The following PLEKHA5 variants were observed in gnomAD, a reference collection of about 807,000 sequenced individuals.
PLEKHA5 encodes pleckstrin homology domain containing A5, also known as pleckstrin homology domain-containing family A member 5.
Under a neutral mutation model 181.9 loss-of-function variants are expected in PLEKHA5, and 55 were observed. The ratio of observed to expected loss-of-function variants is 0.30; its 90% confidence interval spans 0.24 to 0.38. PLEKHA5 has a LOEUF of 0.38. Ranked by LOEUF, PLEKHA5 falls within the 10% of genes least tolerant of loss-of-function variation. The pLI is 1.00. For missense variants in PLEKHA5, 1,432 were observed against 1,549.5 expected, an observed-to-expected ratio of 0.92 and a Z score of 1.27; for synonymous variants, 535 against 529.4, an observed-to-expected ratio of 1.01 and a Z score of -0.15.
chr12:19,283,239 C>CTG, intron 11 of PLEKHA5, 41 bp from the exon 12 acceptor site: 7 of 995,908 alleles, frequency 7.0e-6, no homozygotes, highest in Non-Finnish European at 1.0e-5. Flanking sequence ...TGGAAAATAA[C>CTG]CCTCCTTCAT....
At chr12:19,345,269 G>A (rs930568000) in intron 22 of PLEKHA5, among the ~76,000 whole-genome samples, 3 of 151,596 alleles carry the variant, frequency 2.0e-5, no homozygotes, top group African/African-American at 4.8e-5. Context: ...GCATGGTGGC[G>A]TGCACCTATA....
chr12:19,305,238 A>G (rs1006995179), intron 15 of PLEKHA5, among the ~76,000 whole-genome samples: 1 of 152,122 alleles, frequency 6.6e-6, no homozygotes, highest in African/African-American at 2.4e-5. Context: ...CATATAATTC[A>G]GTGGTTTTTG....
Position 19,359,503 on chromosome 12 carries a change from A to G in PLEKHA5, c.3440A>G (p.Gln1147Arg), listed in dbSNP as rs766055972. 3 of 1,614,034 alleles carry G rather than the reference A, an allele frequency of 1.9e-6. No individual in the cohort carries two copies. The highest frequency in any genetic ancestry group is 3.3e-5 in the Admixed American group (2 of 60,002). ...DHETPATEIV[Q>R]LKETEPQNVD... The stretch of plus-strand genomic sequence containing the variant: ...GAAACTCCTGCAACAGAAATTGTTC[A>G]ACTAAAAGAAACCGAACCCCAAAAT... The change falls in exon 28 of 32, where the codon CAA becomes CGA. Residue 1147 changes from glutamine (Q) to arginine (R), a missense_variant. Around this residue, in one of 2 missense-constraint regions of PLEKHA5, gnomAD observed 1,143 missense variants for 1,168.4 expected, o/e 0.98. Coordinates refer to ENST00000429027, the MANE Select transcript of PLEKHA5 (RefSeq NM_001256470.2).
Position 19,375,583 on chromosome 12 carries a change from A to G in PLEKHA5, c.*64A>G, listed in dbSNP as rs1218388236. On this transcript the variant is annotated 3_prime_UTR_variant, in exon 32 of 32. Coordinates refer to ENST00000429027, the MANE Select transcript of PLEKHA5 (RefSeq NM_001256470.2). ...AAAGCTAAAGACATGGACCTTCAGCAGTGTAAGAAGATATTGTACAGTATA... is the reference window on the plus strand; with the variant it reads ...AAAGCTAAAGACATGGACCTTCAGCGGTGTAAGAAGATATTGTACAGTATA... The G allele has an allele frequency of 6.6e-6, 1 of 152,620 alleles. No individual in the cohort carries two copies. The highest frequency in any genetic ancestry group is 1.5e-5 in the Non-Finnish European group (1 of 68,028). The allele number at this position is 152,620 out of a possible 1,614,324, so 9.5% of individuals were successfully genotyped here. A position where few individuals can be genotyped will look rare whatever the true frequency, so the allele number is the denominator to read the frequency against.
At chr12:19,343,471 C>CAAA in intron 22 of PLEKHA5, 37 bp downstream of exon 22, 1 of 1,106,690 alleles carries the variant, frequency 9.0e-7, no homozygotes, top group Non-Finnish European at 1.4e-6. Flanking sequence ...TGACTGACCA[C>CAAA]AGTATTACAG....
At chr12:19,246,973 T>C (rs1592192254) in intron 3 of PLEKHA5, among the ~76,000 whole-genome samples, 1 of 152,290 alleles carries the variant, frequency 6.6e-6, no homozygotes, top group East Asian at 1.9e-4. Context: ...TTTTTTCTAA[T>C]TGCCTATTTT....
chr12:19,230,132 A>T (rs1053124085), intron 3 of PLEKHA5, among the ~76,000 whole-genome samples: 3 of 152,156 alleles, frequency 2.0e-5, no homozygotes, highest in African/African-American at 7.2e-5. Flanking sequence ...TTAGGTAGAC[A>T]TAAGGGTTCT....
rs1464059399 is a variant in PLEKHA5 at position 19,164,998 on chromosome 12, C to A, written c.227+32548C>A. 2.6e-5 allele frequency among the ~76,000 whole-genome samples: 4 copies of A among 152,234 alleles called. No individual in the cohort carries two copies. In the East Asian group the frequency reaches 7.7e-4, roughly 29 times the overall value. ...TTTTCTCCTCAAAGCAAGCAACCAACTAACCTGGACAAAGCTCACCAAACC... is the reference window on the plus strand; with the variant it reads ...TTTTCTCCTCAAAGCAAGCAACCAAATAACCTGGACAAAGCTCACCAAACC... On this transcript the variant is annotated intron_variant, in intron 3 of 31. Coordinates refer to ENST00000429027, the MANE Select transcript of PLEKHA5 (RefSeq NM_001256470.2).
chr12:19,146,627 A>G (rs2038992247), intron 3 of PLEKHA5, among the ~76,000 whole-genome samples: 1 of 152,212 alleles, frequency 6.6e-6, no homozygotes, highest in Non-Finnish European at 1.5e-5. Flanking sequence ...ATAAGTGTAA[A>G]TAGAGGTACT....
Position 19,348,383 on chromosome 12 carries a change from A to C in PLEKHA5, c.2899-16A>C, listed in dbSNP as rs777642663. ...TTTAGCAGTTTTTTAGGGTAATTAC[A>C]TGTCTTCCTTTCAAGGGTCCAGATT... On this transcript the variant is annotated splice_polypyrimidine_tract_variant and intron_variant, in intron 24 of 31. Coordinates refer to ENST00000429027, the MANE Select transcript of PLEKHA5 (RefSeq NM_001256470.2). The C allele has an allele frequency of 6.4e-7, 1 of 1,560,988 alleles. No individual in the cohort carries two copies. The highest frequency in any genetic ancestry group is 8.6e-7 in the Non-Finnish European group (1 of 1,157,584).
At chr12:19,207,622 A>C (rs1216274570) in intron 3 of PLEKHA5, 3 of 152,180 alleles carry the variant, frequency 2.0e-5, no homozygotes, top group Non-Finnish European at 4.4e-5. Context: ...TAGACCATAA[A>C]GGATTGTTCA....
chr12:19,302,344 A>G (rs2081741027), intron 15 of PLEKHA5, among the ~76,000 whole-genome samples: 1 of 152,344 alleles, frequency 6.6e-6, no homozygotes, highest in African/African-American at 2.4e-5. Context: ...AAGTAAACTA[A>G]GTTACAAGAC....
At chr12:19,204,706 A>G (rs1232793538) in intron 3 of PLEKHA5, among the ~76,000 whole-genome samples, 3 of 152,180 alleles carry the variant, frequency 2.0e-5, no homozygotes, top group African/African-American at 7.2e-5. Flanking sequence ...ATATGTAAAC[A>G]ACAGATAAGA....
At chr12:19,279,046 A>T (rs1363307540) in intron 11 of PLEKHA5, among the ~76,000 whole-genome samples, 3 of 152,182 alleles carry the variant, frequency 2.0e-5, no homozygotes, top group Non-Finnish European at 4.4e-5. Context: ...TGATGAAATC[A>T]TCTTCTAGAT....
At chr12:19,170,925 A>G (rs890873615) in intron 3 of PLEKHA5, among the ~76,000 whole-genome samples, 47 of 152,228 alleles carry the variant, frequency 3.1e-4, no homozygotes, top group African/African-American at 1.1e-3. Context: ...ACTCTTGTTT[A>G]TAGTTGTAGT....
intron 3 of PLEKHA5, among the ~76,000 whole-genome samples, chr12:19,209,901 C>G (rs1586841): frequency 4.6e-5 from 7 of 152,068 alleles, no homozygotes; most frequent in Non-Finnish European, 1.0e-4. Context: ...CACAGAGTTC[C>G]TCTCCACCAC....
chr12:19,306,957 T>C, intron 15 of PLEKHA5: 2 of 1,231,750 alleles, frequency 1.6e-6, no homozygotes. Flanking sequence ...TCCTGCCTAC[T>C]CCTAACCCAC....
At chr12:19,224,978 C>CA (rs1384236387) in intron 3 of PLEKHA5, among the ~76,000 whole-genome samples, 1 of 152,080 alleles carries the variant, frequency 6.6e-6, no homozygotes, top group African/African-American at 2.4e-5. Context: ...GCCTGGGCAA[C>CA]ATAGCAAGAC....
intron 20 of PLEKHA5, among the ~76,000 whole-genome samples, chr12:19,327,553 C>A (rs2092341511): frequency 6.6e-6 from 1 of 151,526 alleles, no homozygotes; most frequent in Admixed American, 6.6e-5. Context: ...GCTGTTTACT[C>A]CATTGATAGT....
Sources: allele counts gnomAD v4.1 joint callset (sites outside exome capture counted in the v4.1 genomes callset), GRCh38; gene constraint gnomAD v4.1.1; regional missense constraint gnomAD v4.1.1; transcripts MANE v1.5; gene names NCBI Gene and HGNC (gene_info 2026-07-23, HGNC 2026-07-21).